BCCIP: variants seen among roughly 807,000 people sequenced by gnomAD.
The protein encoded by BCCIP is BRCA2 and CDKN1A-interacting protein.
BCCIP carries 23 observed loss-of-function variants against 32.8 expected under a neutral mutation model. That is an observed-to-expected ratio of 0.70 (90% confidence interval 0.51 to 0.99). The LOEUF (loss-of-function observed/expected upper bound fraction) is 0.99, where lower values mean the gene tolerates loss of function less well. Among genes scored for constraint, BCCIP ranks in the 50% least tolerant of loss-of-function variants. BCCIP has a pLI of 0.00. For synonymous variants in BCCIP, 144 were observed against 137.6 expected (o/e 1.05, Z -0.33); for missense variants, 378 against 379.8 (o/e 1.00, Z 0.04).
At chr10:125,830,446 CAA>C (rs1454242007) in intron 3 of BCCIP, 114 bp from the exon 4 acceptor site, 17 of 557,300 alleles carry the variant, frequency 3.1e-5, no homozygotes, top group Non-Finnish European at 4.7e-5. Flanking sequence ...GGTGGTAAAA[CAA>C]AGTTTTGCTT....
At chr10:125,847,637 G>A (rs1431279704), downstream of BCCIP, among the ~76,000 whole-genome samples, 4 of 152,120 alleles carry the variant, frequency 2.6e-5, no homozygotes, top group Admixed American at 1.3e-4. Flanking sequence ...ATTCAAGCTC[G>A]TTACATGTGC....
At chr10:125,832,235 T>A (rs1854538829) in intron 5 of BCCIP, among the ~76,000 whole-genome samples, 1 of 151,942 alleles carries the variant, frequency 6.6e-6, no homozygotes, top group Non-Finnish European at 1.5e-5. Flanking sequence ...AGACAGGGTC[T>A]TGCTACATTG....
chr10:125,851,570 A>T (rs548059647), intron 7 of BCCIP, among the ~76,000 whole-genome samples: 1 of 152,150 alleles, frequency 6.6e-6, no homozygotes, highest in African/African-American at 2.4e-5. Flanking sequence ...TGGAAGAGCA[A>T]TTTTCAAAAA....
chr10:125,830,938 C>G (rs1389369921), intron 4 of BCCIP, among the ~76,000 whole-genome samples: 2 of 152,164 alleles, frequency 1.3e-5, no homozygotes, highest in Non-Finnish European at 2.9e-5. Context: ...CAGCTGTTAT[C>G]TTTGCTACTT....
At chr10:125,837,564 C>T (rs1244926964), downstream of BCCIP, among the ~76,000 whole-genome samples, 1 of 152,182 alleles carries the variant, frequency 6.6e-6, no homozygotes, top group Non-Finnish European at 1.5e-5. Context: ...GTAGCTGGGA[C>T]TATAGGCGCA....
chr10:125,852,569 T>C (rs1228537363), intron 7 of BCCIP: 2 of 1,613,736 alleles, frequency 1.2e-6, no homozygotes, highest in African/African-American at 1.3e-5. Flanking sequence ...AAGAATCTGC[T>C]TGCGTATCTC....
chr10:125,845,851 C>T (rs190681989), downstream of BCCIP, among the ~76,000 whole-genome samples: 91 of 152,326 alleles, frequency 6.0e-4, no homozygotes, highest in African/African-American at 2.0e-3. Context: ...CCAGCTCCTC[C>T]GAGCTTAGCT....
rs766630392 is a variant in BCCIP at position 125,831,557 on chromosome 10, A to G, written c.549A>G (p.Arg183=). The part of the protein sequence containing the change: ...TKPVGLLLSE[R]FINVPPQIAL... ...CTGTGGGCCTTCTCCTAAGTGAAAG[A>G]TTCATTAATGTCCCTCCACAGATCG... The change falls in exon 5 of 7, where the codon AGA becomes AGG. Residue 183 remains arginine, a synonymous_variant. Transcript: ENST00000278100. The G allele has an allele frequency of 3.1e-6, 5 of 1,614,110 alleles. No homozygotes were observed. The highest frequency in any genetic ancestry group is 4.2e-6 in the Non-Finnish European group (5 of 1,180,036).
At chr10:125,826,966 A>G (rs547324352) in intron 2 of BCCIP, among the ~76,000 whole-genome samples, 1 of 151,290 alleles carries the variant, frequency 6.6e-6, no homozygotes, top group South Asian at 2.1e-4. Flanking sequence ...ATTGAGCTCC[A>G]GTCTGGGCAA....
At chr10:125,838,060 G>T, downstream of BCCIP, 1 of 675,264 alleles carries the variant, frequency 1.5e-6, no homozygotes, top group Non-Finnish European at 2.4e-6. Context: ...ATCCACAGAG[G>T]CCTGCCCTTA....
downstream of BCCIP, chr10:125,836,941 C>T: frequency 1.7e-6 from 2 of 1,162,814 alleles, no homozygotes; most frequent in Non-Finnish European, 1.2e-6. Context: ...CTTCCCATCC[C>T]TGGAGAATCT....
chr10:125,826,369 C>G (rs1854388849), intron 1 of BCCIP: 1 of 605,750 alleles, frequency 1.7e-6, no homozygotes, highest in Admixed American at 4.2e-5. Context: ...ATAATTTATC[C>G]TTTGTGGCTG....
At chr10:125,842,812 C>T, downstream of BCCIP, 1 of 947,846 alleles carries the variant, frequency 1.1e-6, no homozygotes, top group Non-Finnish European at 1.3e-6. Context: ...AGCTGATTCT[C>T]TCCATCTCTT....
At chr10:125,840,559 C>T (rs965281128), downstream of BCCIP, among the ~76,000 whole-genome samples, 3 of 152,224 alleles carry the variant, frequency 2.0e-5, no homozygotes, top group African/African-American at 4.8e-5. Context: ...CTGTGTCCCC[C>T]GTCACCATGC....
chr10:125,838,512 CAT>C, downstream of BCCIP: 1 of 891,820 alleles, frequency 1.1e-6, no homozygotes, highest in African/African-American at 1.7e-5. Flanking sequence ...GTTTGCCACT[CAT>C]GTTTCCTACT....
rs1854676158 is a variant in BCCIP at position 125,836,131 on chromosome 10, G to C, written c.802G>C (p.Val268Leu). 2 of 1,614,180 alleles carry C rather than the reference G, an allele frequency of 1.2e-6. No individual in the cohort carries two copies. Among genetic ancestry groups the C allele is most frequent in the Non-Finnish European group, 1.7e-6 (2 of 1,179,986 alleles). The part of the protein sequence containing the change: ...EKAILKFNYS[V>L]QEESDTCLGG... ...GGCAATTCTCAAGTTCAACTACTCA[G>C]TGCAGGAGGAGAGCGACACTTGTCT... The change falls in exon 7 of 7, where the codon GTG (valine) becomes CTG (leucine). Residue 268 changes from valine (V) to leucine (L), a missense_variant. By Grantham distance (32) the Val-to-Leu change is conservative (BLOSUM62 1). Transcript: ENST00000278100.
At chr10:125,833,187 C>A (rs1258778832) in intron 5 of BCCIP, among the ~76,000 whole-genome samples, 1 of 151,182 alleles carries the variant, frequency 6.6e-6, no homozygotes, top group Admixed American at 6.6e-5. Flanking sequence ...TGAGTTTCTT[C>A]TTTTGTTCAA....
chr10:125,838,155 C>T, downstream of BCCIP: 1 of 1,492,946 alleles, frequency 6.7e-7, no homozygotes, highest in Non-Finnish European at 8.9e-7. Flanking sequence ...TTTACTCCTA[C>T]AGGTATGAAT....
downstream of BCCIP, among the ~76,000 whole-genome samples, chr10:125,847,314 C>G (rs1428409000): frequency 6.6e-6 from 1 of 152,174 alleles, no homozygotes; most frequent in Non-Finnish European, 1.5e-5. Context: ...TACCTCAGTT[C>G]CCTTATCATA....
Sources: gnomAD v4.1 joint callset for allele counts (sites outside exome capture counted in the v4.1 genomes callset) on GRCh38, gnomAD v4.1.1 for gene constraint, MANE v1.5 for transcripts, NCBI Gene and HGNC (gene_info 2026-07-23, HGNC 2026-07-21) for gene names.